Variants in CSMD3 observed in about 807,000 individuals in gnomAD.
CSMD3 encodes the protein CUB and sushi domain-containing protein 3.
In CSMD3, 177 loss-of-function variants were observed where a neutral mutation model predicts 435.2. The observed-to-expected ratio is 0.41, with a 90% CI of 0.36 to 0.46. The LOEUF is 0.46. Ranked by LOEUF, CSMD3 falls within the 20% of genes least tolerant of loss-of-function variation. The pLI, the probability that CSMD3 is intolerant of heterozygous loss-of-function variation, is 0.34. For missense variants in CSMD3, 4,265 were observed against 4,504.6 expected, an observed-to-expected ratio of 0.95 and a Z score of 1.52; for synonymous variants, 1,656 against 1,520.5, an observed-to-expected ratio of 1.09 and a Z score of -2.07.
chr8:113,384,004 G>T (rs183903644), intron 1 of CSMD3, among the ~76,000 whole-genome samples: 9 of 151,928 alleles, frequency 5.9e-5, no homozygotes, highest in African/African-American at 2.2e-4. Flanking sequence ...TATTTCTTAC[G>T]GACTTTAGAA....
chr8:112,900,468 T>G (rs527866104), intron 10 of CSMD3, among the ~76,000 whole-genome samples: 1 of 151,204 alleles, frequency 6.6e-6, no homozygotes, highest in Non-Finnish European at 1.5e-5. Flanking sequence ...TAATTCATAG[T>G]ATGTGCAACT....
chr8:113,346,633 T>A (rs2094153168), intron 1 of CSMD3, among the ~76,000 whole-genome samples: 1 of 152,116 alleles, frequency 6.6e-6, no homozygotes, highest in Admixed American at 6.6e-5. Context: ...TCTGTATCTT[T>A]ACCCTGCCTG....
chr8:112,259,964 T>C (rs1369663571), intron 61 of CSMD3, among the ~76,000 whole-genome samples: 1 of 152,116 alleles, frequency 6.6e-6, no homozygotes, highest in Non-Finnish European at 1.5e-5. Context: ...CCACCTAAAC[T>C]CCTCAATCCC....
At chr8:112,453,577 G>A (rs1816520652) in intron 32 of CSMD3, among the ~76,000 whole-genome samples, 1 of 151,952 alleles carries the variant, frequency 6.6e-6, no homozygotes, top group African/African-American at 2.4e-5. Context: ...ATCTCTACAA[G>A]GAGAACTACA....
chr8:112,847,651 C>A (rs575359724), intron 11 of CSMD3, among the ~76,000 whole-genome samples: 1 of 152,250 alleles, frequency 6.6e-6, no homozygotes, highest in Non-Finnish European at 1.5e-5. Flanking sequence ...ACTCTCTATG[C>A]CTGGCTGAGG....
chr8:112,677,019 A>G (rs977889783), intron 16 of CSMD3, among the ~76,000 whole-genome samples: 4 of 152,150 alleles, frequency 2.6e-5, no homozygotes, highest in African/African-American at 9.6e-5. Context: ...ATTTATTATA[A>G]CAAGGTGAAG....
chr8:113,091,256 A>C (rs2089992540), intron 5 of CSMD3, among the ~76,000 whole-genome samples: 1 of 152,082 alleles, frequency 6.6e-6, no homozygotes, highest in South Asian at 2.1e-4. Flanking sequence ...TATTTATTAA[A>C]GTAGAGCAAA....
At chr8:113,288,853 C>T (rs138760589) in intron 2 of CSMD3, among the ~76,000 whole-genome samples, 109 of 151,848 alleles carry the variant, frequency 7.2e-4, no homozygotes, top group Non-Finnish European at 1.3e-3. Context: ...GAGGTAAATA[C>T]TAGGAATTAT....
chr8:113,054,488 A>G (rs2088232634), intron 5 of CSMD3, among the ~76,000 whole-genome samples: 1 of 152,098 alleles, frequency 6.6e-6, no homozygotes, highest in Admixed American at 6.5e-5. Flanking sequence ...CCACTCTTAT[A>G]TGTATCTTTA....
chr8:113,121,546 G>C (rs1355502738), intron 4 of CSMD3, among the ~76,000 whole-genome samples: 1 of 152,116 alleles, frequency 6.6e-6, no homozygotes, highest in South Asian at 2.1e-4. Context: ...CTCTTTCTCA[G>C]TCTGGGGCTG....
intron 13 of CSMD3, among the ~76,000 whole-genome samples, chr8:112,759,602 T>G (rs1023683607): frequency 6.6e-6 from 1 of 152,140 alleles, no homozygotes. Context: ...AAACAGCAAT[T>G]GCATATGGTG....
rs1378507835 is a variant in CSMD3 at position 112,919,168 on chromosome 8, T to C, written c.1633+2459A>G. On this transcript the variant is annotated intron_variant, in intron 10 of 70. Coordinates refer to ENST00000297405, the MANE Select transcript of CSMD3 (RefSeq NM_198123.2). The stretch of plus-strand genomic sequence containing the variant: ...ATTTAAATGAAATAATATCAACATA[T>C]GAATCTTGAACATGTGCTTTTTTTA... Among the ~76,000 whole-genome samples, 5 of 151,998 alleles carry C rather than the reference T, an allele frequency of 3.3e-5. No individual in the cohort carries two copies. The South Asian group carries it at 1.0e-3, about 31-fold the overall frequency.
chr8:113,377,177 T>C (rs1462701811), intron 1 of CSMD3: 3 of 1,212,290 alleles, frequency 2.5e-6, no homozygotes, highest in Non-Finnish European at 3.1e-6. Flanking sequence ...CTGCAAACCC[T>C]ACATCCGCTC....
intron 5 of CSMD3, among the ~76,000 whole-genome samples, chr8:113,088,557 G>C (rs1251408282): frequency 6.6e-6 from 1 of 151,864 alleles, no homozygotes; most frequent in African/African-American, 2.4e-5. Context: ...CATGTCCTTT[G>C]TAGGGACATG....
At chr8:112,611,573 G>T (rs1345361567) in intron 22 of CSMD3, among the ~76,000 whole-genome samples, 1 of 152,104 alleles carries the variant, frequency 6.6e-6, no homozygotes, top group Non-Finnish European at 1.5e-5. Flanking sequence ...ATAGTGTTTA[G>T]CTGTATGCTT....
intron 22 of CSMD3, among the ~76,000 whole-genome samples, chr8:112,593,564 T>C (rs1831385407): frequency 6.6e-6 from 1 of 152,068 alleles, no homozygotes; most frequent in African/African-American, 2.4e-5. Context: ...TTTGTACCCA[T>C]GAGATTGATC....
intron 1 of CSMD3, among the ~76,000 whole-genome samples, chr8:113,342,104 T>A (rs1464583592): frequency 6.6e-6 from 1 of 151,194 alleles, no homozygotes; most frequent in African/African-American, 2.4e-5. Flanking sequence ...AAGAAGAAAA[T>A]TTTGATAAAT....
intron 12 of CSMD3, among the ~76,000 whole-genome samples, chr8:112,816,787 G>C (rs2079387944): frequency 6.6e-6 from 1 of 151,594 alleles, no homozygotes; most frequent in Non-Finnish European, 1.5e-5. Context: ...AAGCTAGTAA[G>C]AATATTATTT....
intron 63 of CSMD3, among the ~76,000 whole-genome samples, chr8:112,251,563 T>C (rs1336387441): frequency 3.3e-5 from 5 of 151,740 alleles, no homozygotes; most frequent in Non-Finnish European, 7.4e-5. Context: ...TAAAACACTA[T>C]GAAACATATA....
Sources: allele counts gnomAD v4.1 joint callset (sites outside exome capture counted in the v4.1 genomes callset), GRCh38; gene constraint gnomAD v4.1.1; transcripts MANE v1.5; gene names NCBI Gene and HGNC (gene_info 2026-07-23, HGNC 2026-07-21).